TET1: variants seen among roughly 807,000 people sequenced by gnomAD.
The protein encoded by TET1 is tet methylcytosine dioxygenase 1.
Under a neutral mutation model 148.7 loss-of-function variants are expected in TET1, and 13 were observed. The observed-to-expected ratio is 0.09, with a 90% CI of 0.06 to 0.14. The LOEUF is 0.14. Among genes scored for constraint, TET1 ranks in the 10% least tolerant of loss-of-function variants. TET1 has a pLI of 1.00. For missense variants in TET1, 2,182 were observed against 2,553.8 expected (o/e 0.85, Z 3.14); for synonymous variants, 907 against 937.2 (o/e 0.97, Z 0.59).
chr10:68,616,852 C>T (rs1181318215), intron 3 of TET1, among the ~76,000 whole-genome samples: 3 of 150,752 alleles, frequency 2.0e-5, no homozygotes, highest in Non-Finnish European at 4.4e-5. Flanking sequence ...GGGCTACAGG[C>T]GCCCACCACG....
At chr10:68,590,361 G>A (rs1180465986) in intron 2 of TET1, among the ~76,000 whole-genome samples, 2 of 151,928 alleles carry the variant, frequency 1.3e-5, no homozygotes, top group Admixed American at 6.6e-5. Context: ...CAAACTCCTG[G>A]GCTCAAGCAA....
rs750186974 is a variant in TET1, at chr10:68,573,693, C to A, written c.1355C>A (p.Pro452His). 5.0e-6 allele frequency: 8 copies of A among 1,614,056 alleles called. No homozygotes were observed. Among genetic ancestry groups the A allele is most frequent in the Non-Finnish European group, 6.8e-6 (8 of 1,180,028 alleles). Residue 452 changes from proline (P) to histidine (H), a missense_variant, in exon 2 of 12, where the codon CCC (proline) becomes CAC (histidine). Around this residue, in one of 11 missense-constraint regions of TET1, gnomAD observed 665 missense variants for 672.4 expected, o/e 0.99. Coordinates refer to ENST00000373644, the MANE Select transcript of TET1 (RefSeq NM_030625.3). ...TFNAPSKWPE[P>H]QSTVSYGLAV... ...AATGCTCCTTCCAAATGGCCTGAGC[C>A]CCAAAGCACTGTCTCATATGGACTT...
At chr10:68,617,089 C>G (rs943784780) in intron 3 of TET1, among the ~76,000 whole-genome samples, 1 of 129,144 alleles carries the variant, frequency 7.7e-6, no homozygotes, top group Non-Finnish European at 1.6e-5. Flanking sequence ...TGCAGTGGCG[C>G]GATCTCACTG....
At chr10:68,679,705 G>C (rs1010752154) in intron 8 of TET1, among the ~76,000 whole-genome samples, 2 of 151,972 alleles carry the variant, frequency 1.3e-5, no homozygotes, top group African/African-American at 4.8e-5. Context: ...ACAGAGTCTG[G>C]CTCTGTCTCC....
At chr10:68,596,478 G>A (rs1444471987) in intron 2 of TET1, among the ~76,000 whole-genome samples, 1 of 151,998 alleles carries the variant, frequency 6.6e-6, no homozygotes, top group Non-Finnish European at 1.5e-5. Flanking sequence ...TTGTAGAGAT[G>A]TGTCTCCGCT....
At chr10:68,632,479 G>A in intron 3 of TET1, 1 of 1,612,826 alleles carries the variant, frequency 6.2e-7, no homozygotes, top group Non-Finnish European at 8.5e-7. Context: ...AATATTGTAT[G>A]GTTCATTAGG....
At chr10:68,597,928 A>G (rs2054006699) in intron 2 of TET1, among the ~76,000 whole-genome samples, 1 of 152,192 alleles carries the variant, frequency 6.6e-6, no homozygotes, top group African/African-American at 2.4e-5. Flanking sequence ...TCATAGACAG[A>G]AAGTAGAATG....
intron 3 of TET1, among the ~76,000 whole-genome samples, chr10:68,643,274 AAAAAAAT>A (rs1265142420): frequency 6.0e-5 from 9 of 150,664 alleles, no homozygotes; most frequent in African/African-American, 2.2e-4. Flanking sequence ...AAAAAAAAAA[AAAAAAAT>A]GAAAGAAAGA....
chr10:68,612,455 AG>A (rs1340868050), intron 3 of TET1, among the ~76,000 whole-genome samples: 1 of 152,092 alleles, frequency 6.6e-6, no homozygotes, highest in Non-Finnish European at 1.5e-5. Flanking sequence ...GCAGTGTGGG[AG>A]GCTAAGTTTG....
chr10:68,690,450 T>C (rs2055574000), intron 11 of TET1, among the ~76,000 whole-genome samples: 1 of 151,848 alleles, frequency 6.6e-6, no homozygotes, highest in Non-Finnish European at 1.5e-5. Flanking sequence ...TACTAAAAAA[T>C]ACAAAAAATT....
intron 2 of TET1, among the ~76,000 whole-genome samples, chr10:68,588,734 A>G (rs1163963061): frequency 6.6e-6 from 1 of 152,028 alleles, no homozygotes; most frequent in African/African-American, 2.4e-5. Context: ...TACTGCTGCT[A>G]TATTTTAATA....
chr10:68,571,084 G>A (rs768532197), intron 1 of TET1, among the ~76,000 whole-genome samples: 3 of 151,310 alleles, frequency 2.0e-5, no homozygotes, highest in South Asian at 2.1e-4. Context: ...TCCGTCTCCT[G>A]GGTTCAAGAG....
intron 3 of TET1, among the ~76,000 whole-genome samples, chr10:68,604,544 G>T (rs1008041885): frequency 2.0e-5 from 3 of 152,158 alleles, no homozygotes. Context: ...CTCTTGCAAG[G>T]AGTCAAGTGG....
intron 3 of TET1, among the ~76,000 whole-genome samples, chr10:68,622,661 G>A (rs2054394493): frequency 6.6e-6 from 1 of 151,500 alleles, no homozygotes; most frequent in African/African-American, 2.4e-5. Flanking sequence ...TTTCAACATA[G>A]TTTCTCAGTG....
rs1339796358 is a variant in TET1, at chr10:68,691,139, C to A, written c.5736C>A (p.Thr1912=). 3 of 1,614,202 alleles carry A rather than the reference C, an allele frequency of 1.9e-6. No homozygotes were observed. Among genetic ancestry groups the A allele is most frequent in the Non-Finnish European group, 2.5e-6 (3 of 1,180,048 alleles). The change falls in exon 12 of 12, where the codon ACC becomes ACA. Residue 1912 remains threonine, a synonymous_variant. Coordinates refer to ENST00000373644, the MANE Select transcript of TET1 (RefSeq NM_030625.3). The surrounding 1 kb of genome is among the most constrained non-coding windows in gnomAD (Gnocchi z 4.4). ...SQLGEVAPLP[T]LSAPVMEPLI... ...TTGGCGAAGTGGCTCCTCTCCCCAC[C>A]CTGTCTGCTCCTGTGATGGAGCCCC...
chr10:68,652,583 A>G lies in TET1; in HGVS notation c.4450A>G (p.Ile1484Val), dbSNP rs562629421. The part of the protein sequence containing the change: ...KEGKSSHGCP[I>V]AKWVLRRSSD... Reference sequence around the variant, plus strand: ...AGGGAAAAGCTCTCATGGGTGTCCAATTGCTAAGTGGGTAAGTATTTCCTA... The same window carrying G: ...AGGGAAAAGCTCTCATGGGTGTCCAGTTGCTAAGTGGGTAAGTATTTCCTA... Residue 1484 changes from isoleucine (I) to valine (V), a missense_variant, in exon 6 of 12, where the codon ATT (isoleucine) becomes GTT (valine). Physicochemically the swap from Ile to Val is conservative, Grantham distance 29 (BLOSUM62 3). This residue lies in a region of TET1 where 169 missense variants were observed against 263.7 expected (regional missense o/e 0.64). Coordinates refer to ENST00000373644, the MANE Select transcript of TET1 (RefSeq NM_030625.3). 4.2e-5 allele frequency: 67 copies of G among 1,609,124 alleles called. No individual in the cohort carries two copies. The highest frequency in any genetic ancestry group is 2.9e-4 in the African/African-American group (22 of 74,910).
rs1357075877 is a variant in TET1 at position 68,631,045 on chromosome 10, T to C, written c.1969-13653T>C. On this transcript the variant is annotated intron_variant, in intron 3 of 11. Coordinates refer to ENST00000373644, the MANE Select transcript of TET1 (RefSeq NM_030625.3). ...TTTTAAAATTAGCCAGGCATGATGG[T>C]GTGTGCCTGTATTCCCAGCTACTTG... is the stretch of plus-strand genomic sequence containing the variant. 2.0e-5 allele frequency among the ~76,000 whole-genome samples: 3 copies of C among 151,622 alleles called. No individual in the cohort carries two copies. In the East Asian group the frequency reaches 5.8e-4, roughly 29 times the overall value.
rs563624535 is a variant in TET1, at chr10:68,682,676, T to C, written c.4915-160T>C. ...GTATTGTCAAGTGCTTTCTCCTGAA[T>C]GTTGCTAAGCTACACCTTCATGACA... On this transcript the variant is annotated intron_variant, in intron 9 of 11. Transcript: ENST00000373644. Among the ~76,000 whole-genome samples the C allele has an allele frequency of 5.3e-5, 8 of 152,330 alleles. No individual in the cohort carries two copies. In the South Asian group the frequency reaches 1.5e-3, roughly 28 times the overall value.
intron 11 of TET1, among the ~76,000 whole-genome samples, chr10:68,690,507 T>C (rs1967168): frequency 0.76 from 116,185 of 151,938 alleles, 45,029 homozygotes; most frequent in East Asian, 0.84. Flanking sequence ...ACTCGGGAGG[T>C]TGAGGCAAGA....
Sources: allele counts gnomAD v4.1 joint callset (sites outside exome capture counted in the v4.1 genomes callset), GRCh38; gene constraint gnomAD v4.1.1; regional missense constraint gnomAD v4.1.1; non-coding constraint Gnocchi (gnomAD v3.1); transcripts MANE v1.5; gene names NCBI Gene and HGNC (gene_info 2026-07-23, HGNC 2026-07-21).